The following GRM8 variants were observed in gnomAD, a reference collection of about 807,000 sequenced individuals.
GRM8 encodes metabotropic glutamate receptor 8.
Under a neutral mutation model 87.2 loss-of-function variants are expected in GRM8, and 47 were observed. The observed-to-expected ratio is 0.54, with a 90% CI of 0.43 to 0.69. The LOEUF (loss-of-function observed/expected upper bound fraction) is 0.69, where lower values mean the gene tolerates loss of function less well. Ranked by LOEUF, GRM8 falls within the 30% of genes least tolerant of loss-of-function variation. The probability of loss-of-function intolerance (pLI) is 0.00; values close to 1 mark genes in which losing one functional copy is unlikely to be tolerated. For synonymous variants in GRM8, 396 were observed against 404.5 expected (o/e 0.98, Z 0.25); for missense variants, 1,019 against 1,139.2 (o/e 0.89, Z 1.52).
chr7:126,972,872 A>C (rs959883709), intron 3 of GRM8, among the ~76,000 whole-genome samples: 1 of 152,228 alleles, frequency 6.6e-6, no homozygotes, highest in Non-Finnish European at 1.5e-5. Context: ...TAGTATATTT[A>C]GTTACCATAG....
chr7:126,901,270 C>T (rs1294938998), intron 6 of GRM8, among the ~76,000 whole-genome samples: 3 of 152,194 alleles, frequency 2.0e-5, no homozygotes, highest in African/African-American at 4.8e-5. Flanking sequence ...ATGTCACCTC[C>T]TCTGGCGAGG....
chr7:126,553,085 C>T (rs994744892), intron 8 of GRM8, among the ~76,000 whole-genome samples: 1 of 152,096 alleles, frequency 6.6e-6, no homozygotes, highest in African/African-American at 2.4e-5. Flanking sequence ...ACCAATCCCT[C>T]CTCCTGTTCA....
intron 3 of GRM8, among the ~76,000 whole-genome samples, chr7:126,988,569 G>A (rs1812338769): frequency 6.6e-6 from 1 of 152,100 alleles, no homozygotes; most frequent in Admixed American, 6.6e-5. Flanking sequence ...GTACTCTATT[G>A]GGTGTTCTTG....
intron 7 of GRM8, among the ~76,000 whole-genome samples, chr7:126,648,509 T>C (rs1803429854): frequency 6.6e-6 from 1 of 152,234 alleles, no homozygotes; most frequent in Non-Finnish European, 1.5e-5. Flanking sequence ...CTGTGGTCTG[T>C]AGTAGTTTTC....
intron 8 of GRM8, among the ~76,000 whole-genome samples, chr7:126,553,872 A>G (rs530777340): frequency 2.6e-5 from 4 of 152,316 alleles, no homozygotes; most frequent in Admixed American, 2.0e-4. Flanking sequence ...CATAAGAGGA[A>G]AGCTGAAGGC....
At chr7:126,829,583 A>G (rs1009692365) in intron 6 of GRM8, among the ~76,000 whole-genome samples, 1 of 150,788 alleles carries the variant, frequency 6.6e-6, no homozygotes, top group African/African-American at 2.4e-5. Flanking sequence ...TTTTATTTTG[A>G]GCCTATGTGT....
chr7:126,649,543 T>C (rs1803554014), intron 7 of GRM8, among the ~76,000 whole-genome samples: 1 of 152,160 alleles, frequency 6.6e-6, no homozygotes. Flanking sequence ...GTCTTTTATA[T>C]ATATATCTAT....
At chr7:126,732,279 A>G (rs1018252223) in intron 7 of GRM8, among the ~76,000 whole-genome samples, 1 of 152,184 alleles carries the variant, frequency 6.6e-6, no homozygotes, top group African/African-American at 2.4e-5. Flanking sequence ...AACATCTGTT[A>G]TAAAAGTTAA....
intron 9 of GRM8, among the ~76,000 whole-genome samples, chr7:126,527,612 T>C (rs971409242): frequency 6.6e-6 from 1 of 152,228 alleles, no homozygotes; most frequent in Non-Finnish European, 1.5e-5. Context: ...ATTTTCAGGC[T>C]GTTCTTTTCT....
intron 9 of GRM8, among the ~76,000 whole-genome samples, chr7:126,488,883 T>C (rs1807675184): frequency 6.6e-6 from 1 of 151,902 alleles, no homozygotes; most frequent in African/African-American, 2.4e-5. Context: ...CAAATACACA[T>C]GTGCCCCTAT....
chr7:127,248,237 C>A (rs769382059), intron 1 of GRM8, among the ~76,000 whole-genome samples: 2 of 152,184 alleles, frequency 1.3e-5, no homozygotes, highest in Non-Finnish European at 2.9e-5. Context: ...CTGCAGTGTG[C>A]CTGGAGCTGC....
intron 6 of GRM8, among the ~76,000 whole-genome samples, chr7:126,828,769 C>T (rs567603913): frequency 6.4e-4 from 97 of 152,144 alleles, no homozygotes; most frequent in African/African-American, 2.3e-3. Context: ...GCTCTTGCTT[C>T]TCTAGTTCTT....
chr7:127,174,724 A>G (rs1793998694), intron 2 of GRM8, among the ~76,000 whole-genome samples: 1 of 152,192 alleles, frequency 6.6e-6, no homozygotes, highest in Admixed American at 6.5e-5. Context: ...GATTGGGCAA[A>G]TACAAGAATG....
intron 3 of GRM8, among the ~76,000 whole-genome samples, chr7:127,067,404 A>C (rs2132646425): frequency 6.6e-6 from 1 of 152,324 alleles, no homozygotes; most frequent in Non-Finnish European, 1.5e-5. Context: ...TCATGTAAAC[A>C]GCACACAGAA....
intron 3 of GRM8, among the ~76,000 whole-genome samples, chr7:127,067,395 C>A (rs1471915558): frequency 6.6e-6 from 1 of 152,150 alleles, no homozygotes; most frequent in Non-Finnish European, 1.5e-5. Context: ...TGTGACAGTT[C>A]ATGTAAACAG....
intron 3 of GRM8, among the ~76,000 whole-genome samples, chr7:127,051,738 GCAAAAAA>G (rs1434101921): frequency 0.038 from 494 of 13,040 alleles, 3 homozygotes; most frequent in African/African-American, 0.077. Flanking sequence ...ATAATGTTGA[GCAAAAAA>G]AAAAAAAAAA....
intron 9 of GRM8, among the ~76,000 whole-genome samples, chr7:126,498,127 T>C (rs1293113231): frequency 6.6e-6 from 1 of 151,916 alleles, no homozygotes; most frequent in Non-Finnish European, 1.5e-5. Context: ...AGGTGGGGTC[T>C]GAAGCCATAA....
intron 9 of GRM8, among the ~76,000 whole-genome samples, chr7:126,462,520 T>A (rs1218972259): frequency 1.3e-5 from 2 of 151,628 alleles, no homozygotes; most frequent in African/African-American, 4.8e-5. Context: ...TAAAATTATA[T>A]CTCAAATGCC....
intron 3 of GRM8, among the ~76,000 whole-genome samples, chr7:126,988,864 G>A (rs768623807): frequency 6.6e-6 from 1 of 152,132 alleles, no homozygotes; most frequent in Non-Finnish European, 1.5e-5. Flanking sequence ...ATTTAGGTAG[G>A]ACCAGTAGGT....
Sources: gnomAD v4.1 joint callset for allele counts (sites outside exome capture counted in the v4.1 genomes callset) on GRCh38, gnomAD v4.1.1 for gene constraint, MANE v1.5 for transcripts, NCBI Gene and HGNC (gene_info 2026-07-23, HGNC 2026-07-21) for gene names.